ATP2A1: variants seen among roughly 807,000 people sequenced by gnomAD.
The protein encoded by ATP2A1 is sarcoplasmic/endoplasmic reticulum calcium ATPase 1.
ATP2A1 carries 83 observed loss-of-function variants against 109.5 expected under a neutral mutation model. The ratio of observed to expected loss-of-function variants is 0.76; its 90% CI spans 0.63 to 0.91. The LOEUF (loss-of-function observed/expected upper bound fraction) is 0.91. ATP2A1 is among the 40% of genes least tolerant of loss of function. The pLI is 0.00. For missense variants in ATP2A1, 1,101 were observed against 1,341.0 expected, an observed-to-expected ratio of 0.82 and a Z score of 2.80; for synonymous variants, 505 against 537.6, an observed-to-expected ratio of 0.94 and a Z score of 0.84.
intron 10 of ATP2A1, 94 bp downstream of exon 10, chr16:28,894,337 C>A: frequency 1.5e-6 from 2 of 1,378,084 alleles, no homozygotes; most frequent in Non-Finnish European, 2.0e-6. Context: ...GCTCTCCTTT[C>A]ACTCTCCTCT....
At chr16:28,879,471 C>T (rs775488442) in intron 2 of ATP2A1, 30 bp from the exon 3 acceptor site, 3 of 1,606,194 alleles carry the variant, frequency 1.9e-6, no homozygotes, top group Admixed American at 3.3e-5. Flanking sequence ...AGACCTTAAC[C>T]CGGGGCCCTC....
Position 28,897,759 on chromosome 16 carries a change from C to T in ATP2A1, c.1420-241C>T, listed in dbSNP as rs544596437. Among the ~76,000 whole-genome samples the T allele has an allele frequency of 3.9e-5, 6 of 152,258 alleles. No homozygotes were observed. The East Asian group carries it at 5.8e-4, about 15-fold the overall frequency. The stretch of plus-strand genomic sequence containing the variant: ...TGCTGGGATTACAGGCATGAGCCAC[C>T]GCGCCTGGCCAATAATGAAAGTTCT... On this transcript the variant is annotated intron_variant, in intron 12 of 22. Coordinates refer to ENST00000395503, the MANE Select transcript of ATP2A1 (RefSeq NM_004320.6).
chr16:28,895,440 G>A (rs995942118), intron 12 of ATP2A1, among the ~76,000 whole-genome samples: 2 of 152,112 alleles, frequency 1.3e-5, no homozygotes, highest in African/African-American at 2.4e-5. Context: ...TCTCCATTAA[G>A]CACTTCTCTC....
rs1263879187 is a variant in ATP2A1 at position 28,898,582 on chromosome 16, A to C, written c.1764+131A>C. 7 of 1,079,026 alleles carry C rather than the reference A, an allele frequency of 6.5e-6. No individual in the cohort carries two copies. Among genetic ancestry groups the C allele is most frequent in the Non-Finnish European group, 9.5e-6 (7 of 736,784 alleles). 66.8% of individuals were successfully genotyped at this position (1,079,026 alleles called of 1,614,324 possible). ...AGTTGATGGCTCCTTAGTACAGGCC[A>C]TGGAATCACAGGACAGTAGAGTTTC... On this transcript the variant is annotated intron_variant, in intron 14 of 22. Transcript: ENST00000395503. This position sits in a 1 kb window ranked among gnomAD's most constrained non-coding sequence, Gnocchi z 4.0.
intron 2 of ATP2A1, 149 bp from the exon 3 acceptor site, chr16:28,879,352 G>A: frequency 1.1e-6 from 1 of 892,576 alleles, no homozygotes; most frequent in Non-Finnish European, 1.8e-6. Flanking sequence ...CTGGACTCCA[G>A]GCGAGCTTCT....
chr16:28,887,079 A>T, intron 6 of ATP2A1, 110 bp from the exon 7 acceptor site: 1 of 1,107,856 alleles, frequency 9.0e-7, no homozygotes, highest in Non-Finnish European at 1.4e-6. Flanking sequence ...CAGGATGGCT[A>T]CTTGGTCCTT....
intron 12 of ATP2A1, 48 bp downstream of exon 12, chr16:28,895,001 C>G: frequency 6.2e-7 from 1 of 1,604,620 alleles, no homozygotes; most frequent in Non-Finnish European, 8.5e-7. Flanking sequence ...CTCTATGCTG[C>G]ATAGACTAGA....
Position 28,880,605 on chromosome 16 carries a change from C to CGG in ATP2A1, c.220-305_220-304dup, listed in dbSNP as rs1567478733. 6.6e-6 allele frequency among the ~76,000 whole-genome samples: 1 copy of CGG among 152,226 alleles called. No individual in the cohort carries two copies. The highest frequency in any genetic ancestry group is 2.4e-5 in the African/African-American group (1 of 41,456). On this transcript the variant is annotated intron_variant, in intron 3 of 22. Coordinates refer to ENST00000395503, the MANE Select transcript of ATP2A1 (RefSeq NM_004320.6). The surrounding 1 kb of genome is among the most constrained non-coding windows in gnomAD (Gnocchi z 4.2). Reference sequence around the variant, plus strand: ...CTCCCGTGGGATGGATGTGGCTGTGCGGGGGGTTGGCCTGAGCTTCGCTTC... The same window carrying CGG: ...CTCCCGTGGGATGGATGTGGCTGTGCGGGGGGGGTTGGCCTGAGCTTCGCTTC...
In ATP2A1 at chr16:28,895,057, G is replaced by A. The variant is rs2152209814; in HGVS notation, c.1419+104G>A. 2.6e-6 allele frequency: 4 copies of A among 1,537,744 alleles called. No homozygotes were observed. The South Asian group carries it at 3.4e-5, about 13-fold the overall frequency. ...GGGCAGAGCCTAGTGCCTGTGCTGG[G>A]ACCCCACCCAGGCAGCAGACAGCCC... On this transcript the variant is annotated intron_variant, in intron 12 of 22. Coordinates refer to ENST00000395503, the MANE Select transcript of ATP2A1 (RefSeq NM_004320.6).
chr16:28,892,133 CAGT>C (rs1963788907), intron 9 of ATP2A1, among the ~76,000 whole-genome samples: 1 of 152,088 alleles, frequency 6.6e-6, no homozygotes, highest in African/African-American at 2.4e-5. Context: ...AGATCTGCAA[CAGT>C]GGTAATGTGA....
rs944898642 is a variant in ATP2A1 at position 28,878,547 on chromosome 16, G to C, written c.-125G>C. 11 of 848,232 alleles carry C rather than the reference G, an allele frequency of 1.3e-5. No individual in the cohort carries two copies. The highest frequency in any genetic ancestry group is 2.7e-5 in the East Asian group (1 of 37,720). 52.5% of individuals were successfully genotyped at this position (848,232 alleles called of 1,614,324 possible). A position where few individuals can be genotyped will look rare whatever the true frequency, so the allele number is the denominator to read the frequency against. On this transcript the variant is annotated 5_prime_UTR_variant, in exon 1 of 23. Coordinates refer to ENST00000395503, the MANE Select transcript of ATP2A1 (RefSeq NM_004320.6). ...TTGTGGAGGGAAGAAAAACCTGGAG[G>C]GGGCAGGAGAGTAAAAAGAAGAAAC... is the stretch of plus-strand genomic sequence containing the variant.
At chr16:28,893,035 CA>C (rs201849183) in intron 9 of ATP2A1, among the ~76,000 whole-genome samples, 3,762 of 114,408 alleles carry the variant, frequency 0.033, 152 homozygotes, top group East Asian at 0.2. Context: ...ACTGCATCTC[CA>C]AAAAAAAAAA....
Position 28,879,527 on chromosome 16 carries a change from G to C in ATP2A1, c.163G>C (p.Glu55Gln), listed in dbSNP as rs761671172. The change falls in exon 3 of 23, where the codon GAG (glutamate) becomes CAG (glutamine). Residue 55 changes from glutamate to glutamine, a missense_variant. Physicochemically the swap from Glu to Gln is conservative, Grantham distance 29. Coordinates refer to ENST00000395503, the MANE Select transcript of ATP2A1 (RefSeq NM_004320.6). ...EGKTLWELVIEQFEDLLVRIL... is the reference protein window; with the variant it reads ...EGKTLWELVIQQFEDLLVRIL... ...GAAGACCCTGTGGGAGCTGGTGATA[G>C]AGCAGTTTGAAGACCTCCTGGTGCG... is the stretch of plus-strand genomic sequence containing the variant. 1 of 1,614,200 alleles carries C rather than the reference G, an allele frequency of 6.2e-7. No individual in the cohort carries two copies. The highest frequency in any genetic ancestry group is 1.1e-5 in the South Asian group (1 of 91,088).
chr16:28,878,650 C>G lies in ATP2A1; in HGVS notation c.-22C>G. 6.4e-7 allele frequency: 1 copy of G among 1,572,970 alleles called. No individual in the cohort carries two copies. Among genetic ancestry groups the G allele is most frequent in the Non-Finnish European group, 8.7e-7 (1 of 1,155,668 alleles). On this transcript the variant is annotated 5_prime_UTR_variant, in exon 1 of 23. Coordinates refer to ENST00000395503, the MANE Select transcript of ATP2A1 (RefSeq NM_004320.6). ...CCCCCTGGAAGGAACACACCGGCCC[C>G]GGCCCCCAGGAAGGGAGCACAATGG...
In ATP2A1 at chr16:28,903,180, C is replaced by G; in HGVS notation, c.2862+33C>G. 6.2e-7 allele frequency: 1 copy of G among 1,610,308 alleles called. No homozygotes were observed. Among genetic ancestry groups the G allele is most frequent in the Non-Finnish European group, 8.5e-7 (1 of 1,177,174 alleles). On this transcript the variant is annotated intron_variant, in intron 20 of 22. Transcript: ENST00000395503. This position sits in a 1 kb window ranked among gnomAD's most constrained non-coding sequence, Gnocchi z 5.6. Reference sequence around the variant, plus strand: ...TTCTTCCGCCCAGGGCCGCCCACCCCAGCACTGGGGAGCCCACGGCGGGCC... The same window carrying G: ...TTCTTCCGCCCAGGGCCGCCCACCCGAGCACTGGGGAGCCCACGGCGGGCC...
chr16:28,900,500 A>AAC, intron 14 of ATP2A1, 81 bp from the exon 15 acceptor site: 1 of 617,682 alleles, frequency 1.6e-6, no homozygotes, highest in Non-Finnish European at 2.3e-6. Flanking sequence ...CTTTCACCCC[A>AAC]TCCCCACCCC....
intron 11 of ATP2A1, 32 bp from the exon 12 acceptor site, chr16:28,894,790 C>T (rs1262390552): frequency 6.2e-7 from 1 of 1,609,914 alleles, no homozygotes; most frequent in Admixed American, 1.7e-5. Context: ...GCCTGGGGCA[C>T]CGACTTCCTC....
chr16:28,896,493 A>C (rs1963921069), intron 12 of ATP2A1, among the ~76,000 whole-genome samples: 1 of 151,770 alleles, frequency 6.6e-6, no homozygotes. Context: ...GCTCACTGCA[A>C]CCTCCGCCTC....
At chr16:28,892,365 TG>T (rs1353443202) in intron 9 of ATP2A1, 3 of 400,740 alleles carry the variant, frequency 7.5e-6, no homozygotes, top group South Asian at 5.5e-5. Flanking sequence ...CAGAGTTTTG[TG>T]GAAGACTACA....
Sources: allele counts gnomAD v4.1 joint callset (sites outside exome capture counted in the v4.1 genomes callset), GRCh38; gene constraint gnomAD v4.1.1; non-coding constraint Gnocchi (gnomAD v3.1); transcripts MANE v1.5; gene names NCBI Gene and HGNC (gene_info 2026-07-23, HGNC 2026-07-21).